HSD17B4: variants seen among roughly 807,000 people sequenced by gnomAD.
HSD17B4 encodes peroxisomal multifunctional enzyme type 2.
A neutral mutation model predicts 101.0 loss-of-function variants in HSD17B4; 70 were observed. That is an observed-to-expected ratio of 0.69 (90% CI 0.57 to 0.85). The LOEUF is 0.85. Among genes scored for constraint, HSD17B4 ranks in the 40% least tolerant of loss-of-function variants. The pLI is 0.00. For missense variants in HSD17B4, 984 were observed against 892.4 expected, an observed-to-expected ratio of 1.10 and a Z score of -1.31; for synonymous variants, 347 against 297.1, an observed-to-expected ratio of 1.17 and a Z score of -1.73.
At chr5:119,470,930 A>T (rs564268064) in intron 2 of HSD17B4, among the ~76,000 whole-genome samples, 62 of 152,308 alleles carry the variant, frequency 4.1e-4, no homozygotes, top group Middle Eastern at 3.4e-3. Context: ...TTTGTTTGAG[A>T]TAAATTTACC....
In HSD17B4 at chr5:119,536,536, C is replaced by T; in HGVS notation, c.2107C>T (p.Leu703Phe). The T allele has an allele frequency of 6.2e-7, 1 of 1,611,916 alleles. No individual in the cohort carries two copies. The change falls in exon 23 of 24, where the codon CTT (leucine) becomes TTT (phenylalanine). Residue 703 changes from leucine to phenylalanine, a missense_variant. Coordinates refer to ENST00000510025, the MANE Select transcript of HSD17B4 (RefSeq NM_000414.4). ...TTTCATGGAGGTGGTCCTGGGCAAG[C>T]TTGACCCTCAGAAGGTAATGTTCTC... ...EDFMEVVLGKLDPQKAFFSGR... is the reference protein window; with the variant it reads ...EDFMEVVLGKFDPQKAFFSGR...
intron 8 of HSD17B4, among the ~76,000 whole-genome samples, chr5:119,487,898 C>T (rs531348039): frequency 2.0e-5 from 3 of 151,710 alleles, no homozygotes; most frequent in Non-Finnish European, 4.4e-5. Context: ...TTGTTTTTTC[C>T]TCGTGCATAT....
At chr5:119,541,070 A>T (rs966218517) in intron 23 of HSD17B4, among the ~76,000 whole-genome samples, 9 of 152,236 alleles carry the variant, frequency 5.9e-5, no homozygotes, top group African/African-American at 1.9e-4. Context: ...AGCTATAAAA[A>T]CTATGATTGA....
At chr5:119,527,420 C>G (rs1561487209) in intron 20 of HSD17B4, among the ~76,000 whole-genome samples, 1 of 151,594 alleles carries the variant, frequency 6.6e-6, no homozygotes, top group Non-Finnish European at 1.5e-5. Context: ...TGTTTTGCAC[C>G]CTGTGTTTTA....
intron 14 of HSD17B4, among the ~76,000 whole-genome samples, chr5:119,504,084 A>G (rs1381072520): frequency 6.6e-6 from 1 of 152,162 alleles, no homozygotes; most frequent in Non-Finnish European, 1.5e-5. Flanking sequence ...GTCCAACTGT[A>G]TCCATGTTGC....
At chr5:119,512,908 G>A (rs535826354) in intron 16 of HSD17B4, among the ~76,000 whole-genome samples, 34 of 152,306 alleles carry the variant, frequency 2.2e-4, no homozygotes, top group African/African-American at 7.9e-4. Context: ...TGATTCTGGT[G>A]ATGGTTGGAC....
At chr5:119,504,657 C>T (rs1751487614) in intron 14 of HSD17B4, among the ~76,000 whole-genome samples, 1 of 151,966 alleles carries the variant, frequency 6.6e-6, no homozygotes, top group African/African-American at 2.4e-5. Context: ...AACTACGTTC[C>T]TCATAGATTC....
chr5:119,476,636 C>T (rs1748609756), intron 6 of HSD17B4: 1 of 985,098 alleles, frequency 1.0e-6, no homozygotes, highest in Non-Finnish European at 1.2e-6. Flanking sequence ...CTTGTAACAA[C>T]TGGGGTAAAA....
chr5:119,500,356 T>C (rs1215683469), intron 13 of HSD17B4, among the ~76,000 whole-genome samples: 1 of 152,066 alleles, frequency 6.6e-6, no homozygotes. Flanking sequence ...TAGTTATACA[T>C]TGTATATAGT....
intron 8 of HSD17B4, among the ~76,000 whole-genome samples, chr5:119,480,372 A>T (rs1055050837): frequency 3.9e-5 from 6 of 152,112 alleles, no homozygotes; most frequent in Non-Finnish European, 7.4e-5. Context: ...GACAGAGTAC[A>T]AAAGAGAGAA....
chr5:119,460,346 A>T (rs1302653942), intron 2 of HSD17B4, among the ~76,000 whole-genome samples: 1 of 152,236 alleles, frequency 6.6e-6, no homozygotes, highest in Non-Finnish European at 1.5e-5. Flanking sequence ...AGTGAAACTG[A>T]TATAATACAG....
chr5:119,531,453 A>G, intron 22 of HSD17B4, 49 bp downstream of exon 22: 1 of 1,553,898 alleles, frequency 6.4e-7, no homozygotes, highest in African/African-American at 1.4e-5. Context: ...TTCTTAGTAA[A>G]TAAAGTATCT....
intron 8 of HSD17B4, 99 bp from the exon 9 acceptor site, chr5:119,489,093 T>G: frequency 1.2e-6 from 1 of 813,174 alleles, no homozygotes; most frequent in Admixed American, 1.9e-5. Flanking sequence ...CTAATTTTGT[T>G]CCTATTTTAA....
intron 14 of HSD17B4, among the ~76,000 whole-genome samples, chr5:119,505,625 G>A (rs1303110466): frequency 1.3e-5 from 2 of 152,062 alleles, no homozygotes; most frequent in African/African-American, 4.8e-5. Context: ...CTCATTATCA[G>A]TTCTAGGAGC....
At chr5:119,525,713 G>GTTTTTTTTTTTTTTTT in intron 18 of HSD17B4, 5 of 484,020 alleles carry the variant, frequency 1.0e-5, no homozygotes, top group African/African-American at 4.1e-5. Context: ...TTCCTGTTTT[G>GTTTTTTTTTTTTTTTT]TTTTTTTTTT....
chr5:119,482,094 T>A (rs1216442405), intron 8 of HSD17B4, among the ~76,000 whole-genome samples: 3 of 152,162 alleles, frequency 2.0e-5, no homozygotes, highest in Admixed American at 1.3e-4. Flanking sequence ...CTTCAAATAC[T>A]TCTGCTTATT....
intron 18 of HSD17B4, chr5:119,525,713 G>GTTTTTT (rs748728829): frequency 5.2e-5 from 25 of 484,394 alleles, no homozygotes; most frequent in South Asian, 7.6e-5. Flanking sequence ...TTCCTGTTTT[G>GTTTTTT]TTTTTTTTTT....
chr5:119,461,231 T>C (rs1755201280), intron 2 of HSD17B4, among the ~76,000 whole-genome samples: 1 of 152,184 alleles, frequency 6.6e-6, no homozygotes, highest in Admixed American at 6.5e-5. Context: ...AGAATTAAGA[T>C]CTTTTATAAA....
intron 17 of HSD17B4, among the ~76,000 whole-genome samples, chr5:119,522,439 G>A (rs1753202573): frequency 1.3e-5 from 2 of 152,064 alleles, no homozygotes; most frequent in African/African-American, 2.4e-5. Context: ...TAATCCTTTG[G>A]GTATATACCC....
Sources: gnomAD v4.1 joint callset for allele counts (sites outside exome capture counted in the v4.1 genomes callset) on GRCh38, gnomAD v4.1.1 for gene constraint, MANE v1.5 for transcripts, NCBI Gene and HGNC (gene_info 2026-07-23, HGNC 2026-07-21) for gene names.